ZNF407: variants seen among roughly 807,000 people sequenced by gnomAD.
ZNF407 encodes zinc finger protein 407.
Under a neutral mutation model 131.2 loss-of-function variants are expected in ZNF407, and 17 were observed. That is an observed-to-expected ratio of 0.13 (90% confidence interval 0.09 to 0.19). The LOEUF (loss-of-function observed/expected upper bound fraction) is 0.19. ZNF407 is among the 10% of genes least tolerant of loss of function. The pLI is 1.00. For missense variants in ZNF407, 2,681 were observed against 2,830.6 expected (o/e 0.95, Z 1.20); for synonymous variants, 1,156 against 1,062.0 (o/e 1.09, Z -1.72).
At chr18:74,755,942 G>T (rs1365628711) in intron 3 of ZNF407, among the ~76,000 whole-genome samples, 1 of 112,964 alleles carries the variant, frequency 8.9e-6, no homozygotes, top group Non-Finnish European at 1.7e-5. Flanking sequence ...TGCCCAGGCT[G>T]GAGTGCAGTG....
intron 7 of ZNF407, among the ~76,000 whole-genome samples, chr18:74,893,609 G>A (rs962021960): frequency 2.0e-5 from 3 of 152,136 alleles, no homozygotes; most frequent in Non-Finnish European, 4.4e-5. Flanking sequence ...AGTTTCTAAG[G>A]ATTGTTTTTG....
chr18:74,983,074 A>G (rs1351914554), intron 8 of ZNF407, among the ~76,000 whole-genome samples: 1 of 152,246 alleles, frequency 6.6e-6, no homozygotes, highest in Non-Finnish European at 1.5e-5. Context: ...TAGTTATGCC[A>G]TGTGGATCAA....
At chr18:74,781,197 C>T (rs1195288865) in intron 3 of ZNF407, among the ~76,000 whole-genome samples, 1 of 152,130 alleles carries the variant, frequency 6.6e-6, no homozygotes, top group Admixed American at 6.5e-5. Context: ...CTCTTTTGCT[C>T]ACTGTTAGTG....
intron 8 of ZNF407, among the ~76,000 whole-genome samples, chr18:75,042,435 G>A (rs1024515126): frequency 1.3e-5 from 2 of 152,134 alleles, no homozygotes; most frequent in Non-Finnish European, 2.9e-5. Flanking sequence ...ATGAAGAAAA[G>A]AGTCATAATA....
At chr18:74,810,988 A>G (rs1599170234) in intron 4 of ZNF407, among the ~76,000 whole-genome samples, 1 of 152,204 alleles carries the variant, frequency 6.6e-6, no homozygotes, top group African/African-American at 2.4e-5. Context: ...CAAAAACAAA[A>G]CAAAACACCA....
At chr18:74,782,138 A>G (rs989984214) in intron 4 of ZNF407, among the ~76,000 whole-genome samples, 1 of 152,336 alleles carries the variant, frequency 6.6e-6, no homozygotes. Flanking sequence ...AAATCTTTAA[A>G]ATGTGCAGCT....
intron 3 of ZNF407, among the ~76,000 whole-genome samples, chr18:74,768,146 T>A (rs567246963): frequency 2.5e-4 from 38 of 152,312 alleles, no homozygotes; most frequent in Admixed American, 1.2e-3. Flanking sequence ...AAAGTACCCT[T>A]AAGCCAGAGT....
chr18:74,745,963 G>A (rs1968659284), intron 3 of ZNF407, among the ~76,000 whole-genome samples: 1 of 152,114 alleles, frequency 6.6e-6, no homozygotes, highest in Non-Finnish European at 1.5e-5. Flanking sequence ...GTCATGTGCT[G>A]ATAAATGATG....
chr18:74,827,953 A>G (rs909844271), intron 4 of ZNF407, among the ~76,000 whole-genome samples: 1 of 152,038 alleles, frequency 6.6e-6, no homozygotes, highest in Non-Finnish European at 1.5e-5. Context: ...CTTACATTAT[A>G]GTTAATATTT....
chr18:74,724,051 G>A (rs555324929), intron 3 of ZNF407, among the ~76,000 whole-genome samples: 4 of 151,914 alleles, frequency 2.6e-5, no homozygotes, highest in Non-Finnish European at 4.4e-5. Context: ...GGCATTATAT[G>A]TTTATTGTGA....
chr18:74,661,422 A>C (rs1387813919), intron 3 of ZNF407, among the ~76,000 whole-genome samples: 1 of 148,972 alleles, frequency 6.7e-6, no homozygotes, highest in African/African-American at 2.4e-5. Flanking sequence ...TTTTATATAT[A>C]TGTTATTTCT....
At chr18:74,629,770 A>G (rs1324547942) in intron 1 of ZNF407, among the ~76,000 whole-genome samples, 1 of 152,236 alleles carries the variant, frequency 6.6e-6, no homozygotes, top group Admixed American at 6.5e-5. Flanking sequence ...ACGTGGAATC[A>G]AGTGGCATTT....
chr18:75,002,769 C>T (rs1972862191), intron 8 of ZNF407, among the ~76,000 whole-genome samples: 1 of 147,740 alleles, frequency 6.8e-6, no homozygotes, highest in Non-Finnish European at 1.5e-5. Flanking sequence ...CGCGCCACTG[C>T]ACTCCAGCCT....
At chr18:74,907,888 C>G (rs551043190) in intron 7 of ZNF407, among the ~76,000 whole-genome samples, 3 of 152,170 alleles carry the variant, frequency 2.0e-5, no homozygotes, top group Non-Finnish European at 4.4e-5. Context: ...TTTTCCCTTA[C>G]CATTACTTAA....
intron 6 of ZNF407, among the ~76,000 whole-genome samples, chr18:74,889,094 A>G (rs1002876785): frequency 2.0e-5 from 3 of 152,214 alleles, no homozygotes; most frequent in African/African-American, 7.2e-5. Flanking sequence ...AGTATTTAGT[A>G]CAGTAGCATG....
intron 3 of ZNF407, among the ~76,000 whole-genome samples, chr18:74,661,437 T>C (rs1432312780): frequency 6.7e-6 from 1 of 149,550 alleles, no homozygotes; most frequent in Non-Finnish European, 1.5e-5. Context: ...ATTTCTCTTT[T>C]ATATTTAATC....
intron 1 of ZNF407, among the ~76,000 whole-genome samples, chr18:74,628,024 A>G (rs1445412354): frequency 6.6e-6 from 1 of 152,020 alleles, no homozygotes; most frequent in Non-Finnish European, 1.5e-5. Context: ...ACAGGTTCAC[A>G]CCACCACAGC....
intron 7 of ZNF407, chr18:74,905,288 CT>C (rs1293425807): frequency 6.6e-6 from 1 of 152,220 alleles, no homozygotes; most frequent in Non-Finnish European, 1.5e-5. Flanking sequence ...AATTATTTGT[CT>C]TCTGAAGTGC....
intron 1 of ZNF407, among the ~76,000 whole-genome samples, chr18:74,613,847 T>A (rs1024498670): frequency 6.6e-6 from 1 of 152,220 alleles, no homozygotes; most frequent in African/African-American, 2.4e-5. Flanking sequence ...AATAAGGTAA[T>A]AAGAAGCCTA....
Sources: gnomAD v4.1 joint callset for allele counts (sites outside exome capture counted in the v4.1 genomes callset) on GRCh38, gnomAD v4.1.1 for gene constraint, MANE v1.5 for transcripts, NCBI Gene and HGNC (gene_info 2026-07-23, HGNC 2026-07-21) for gene names.